Variants in KATNIP observed in about 807,000 individuals in gnomAD.
KATNIP encodes katanin-interacting protein.
In KATNIP, 126 loss-of-function variants were observed where a neutral mutation model predicts 174.0. The ratio of observed to expected loss-of-function variants is 0.72; its 90% CI spans 0.63 to 0.84. The LOEUF is 0.84. Among genes scored for constraint, KATNIP ranks in the 40% least tolerant of loss-of-function variants. The pLI is 0.00. For synonymous variants in KATNIP, 810 were observed against 835.7 expected (o/e 0.97, Z 0.53); for missense variants, 1,958 against 2,109.7 (o/e 0.93, Z 1.41).
At chr16:27,578,744 A>AT (rs1206039482) in intron 2 of KATNIP, among the ~76,000 whole-genome samples, 3 of 152,116 alleles carry the variant, frequency 2.0e-5, no homozygotes, top group African/African-American at 7.2e-5. Context: ...TGCCTGACTA[A>AT]TTTTTGTATT....
At chr16:27,664,190 A>G (rs1207491206) in intron 6 of KATNIP, among the ~76,000 whole-genome samples, 14 of 152,106 alleles carry the variant, frequency 9.2e-5, no homozygotes, top group Non-Finnish European at 1.9e-4. Flanking sequence ...TATTTTTGCT[A>G]TCGTTTTGTA....
intron 19 of KATNIP, among the ~76,000 whole-genome samples, chr16:27,766,044 A>G (rs1057013271): frequency 6.6e-6 from 1 of 152,084 alleles, no homozygotes; most frequent in African/African-American, 2.4e-5. Context: ...TTTTAAAAAA[A>G]AAACAAAAAC....
intron 5 of KATNIP, among the ~76,000 whole-genome samples, chr16:27,634,124 C>T (rs1305439159): frequency 6.6e-6 from 1 of 152,086 alleles, no homozygotes; most frequent in Non-Finnish European, 1.5e-5. Context: ...AATAGCTGGC[C>T]CTAGAGTCTG....
intron 2 of KATNIP, chr16:27,574,305 G>A: frequency 3.3e-6 from 1 of 299,546 alleles, no homozygotes; most frequent in Non-Finnish European, 6.5e-6. Context: ...GTTGGACCAG[G>A]CTCCGCATGG....
chr16:27,664,169 A>G (rs1206383777), intron 6 of KATNIP, among the ~76,000 whole-genome samples: 1 of 152,134 alleles, frequency 6.6e-6, no homozygotes, highest in Non-Finnish European at 1.5e-5. Flanking sequence ...TTTTTTGTTT[A>G]TCTAGTTTTG....
chr16:27,757,392 G>A (rs2081776212), intron 18 of KATNIP: 1 of 514,660 alleles, frequency 1.9e-6, no homozygotes, highest in South Asian at 8.4e-5. Context: ...AGCACAGGGT[G>A]GTTCTCCAGA....
At chr16:27,774,751 GAC>G (rs1409124873) in intron 23 of KATNIP, among the ~76,000 whole-genome samples, 192 bp from the exon 24 acceptor site, 10 of 152,078 alleles carry the variant, frequency 6.6e-5, no homozygotes, top group African/African-American at 2.2e-4. Context: ...CACCTCTCCA[GAC>G]ACACCTGCTC....
chr16:27,736,551 T>C (rs1035238650), intron 14 of KATNIP, among the ~76,000 whole-genome samples: 1 of 152,130 alleles, frequency 6.6e-6, no homozygotes, highest in Non-Finnish European at 1.5e-5. Flanking sequence ...TGTGGGCATC[T>C]GCGGCAGAAC....
At chr16:27,579,281 A>C (rs144643537) in intron 2 of KATNIP, among the ~76,000 whole-genome samples, 129 of 152,244 alleles carry the variant, frequency 8.5e-4, no homozygotes, top group African/African-American at 3.0e-3. Flanking sequence ...GACTCTGTGA[A>C]TTAATACCTC....
chr16:27,698,383 G>T lies in KATNIP; in HGVS notation c.996G>T (p.Glu332Asp). 6.2e-7 allele frequency: 1 copy of T among 1,613,070 alleles called. No homozygotes were observed. The highest frequency in any genetic ancestry group is 1.1e-5 in the South Asian group (1 of 90,708). The change falls in exon 9 of 28, where the codon GAG becomes GAT. Residue 332 changes from glutamate (E) to aspartate (D), a missense_variant. Transcript: ENST00000261588. ...PLSATRKTLC[E>D]AEYPEEDASA... The stretch of plus-strand genomic sequence containing the variant: ...CTGCAACCCGCAAAACTCTTTGCGA[G>T]GCTGAGTACCCAGAGGAAGATGCCT...
intron 14 of KATNIP, chr16:27,727,505 G>A (rs989756049): frequency 6.6e-6 from 1 of 152,388 alleles, no homozygotes; most frequent in African/African-American, 2.4e-5. Context: ...TGGTTGATTT[G>A]GAGAATGGAT....
chr16:27,773,037 T>C (rs2082364522), intron 22 of KATNIP, 62 bp from the exon 23 acceptor site: 2 of 902,802 alleles, frequency 2.2e-6, no homozygotes, highest in Admixed American at 5.2e-5. Context: ...ATCTTTGCCA[T>C]TGTTTTACTA....
chr16:27,572,124 C>T (rs578119157), intron 1 of KATNIP, among the ~76,000 whole-genome samples: 2 of 152,014 alleles, frequency 1.3e-5, no homozygotes, highest in South Asian at 4.2e-4. Context: ...ACTATCAACA[C>T]CCCACACTGG....
At chr16:27,572,696 G>C (rs1409059976) in intron 1 of KATNIP, among the ~76,000 whole-genome samples, 1 of 152,180 alleles carries the variant, frequency 6.6e-6, no homozygotes, top group Non-Finnish European at 1.5e-5. Flanking sequence ...AGGCCCCACT[G>C]GGTGGACAGA....
At chr16:27,721,279 C>T (rs925306648) in intron 13 of KATNIP, among the ~76,000 whole-genome samples, 2 of 152,170 alleles carry the variant, frequency 1.3e-5, no homozygotes, top group Non-Finnish European at 2.9e-5. Context: ...AAATAAAGCC[C>T]GCTGCATTTT....
chr16:27,740,832 C>T lies in KATNIP; in HGVS notation c.2535C>T (p.Pro845=). 2 of 1,613,518 alleles carry T rather than the reference C, an allele frequency of 1.2e-6. No individual in the cohort carries two copies. The highest frequency in any genetic ancestry group is 1.7e-6 in the Non-Finnish European group (2 of 1,179,722). ...SDDSDIFNQP[P]NRERPASGRR... ...ACTCAGACATCTTTAACCAGCCCCCCAACAGAGAGCGCCCTGCTAGTGGGA... is the reference window on the plus strand; with the variant it reads ...ACTCAGACATCTTTAACCAGCCCCCTAACAGAGAGCGCCCTGCTAGTGGGA... Residue 845 remains proline, a synonymous_variant, in exon 15 of 28, where the codon CCC becomes CCT. Coordinates refer to ENST00000261588, the MANE Select transcript of KATNIP (RefSeq NM_015202.5).
At chr16:27,742,850 T>C (rs1421944867) in intron 15 of KATNIP, among the ~76,000 whole-genome samples, 1 of 136,958 alleles carries the variant, frequency 7.3e-6, no homozygotes, top group Admixed American at 7.1e-5. Context: ...TTTCTTTTTT[T>C]CTTTAACTTT....
At chr16:27,670,022 A>C (rs888939074) in intron 6 of KATNIP, among the ~76,000 whole-genome samples, 1 of 152,186 alleles carries the variant, frequency 6.6e-6, no homozygotes, top group Non-Finnish European at 1.5e-5. Context: ...ATGGCATTTA[A>C]ATTTCCATTA....
At chr16:27,565,811 A>G (rs939771732) in intron 1 of KATNIP, among the ~76,000 whole-genome samples, 1 of 152,034 alleles carries the variant, frequency 6.6e-6, no homozygotes, top group Admixed American at 6.6e-5. Context: ...ACAAAAAAAA[A>G]AAACAAAGGA....
Sources: gnomAD v4.1 joint callset for allele counts (sites outside exome capture counted in the v4.1 genomes callset) on GRCh38, gnomAD v4.1.1 for gene constraint, MANE v1.5 for transcripts, NCBI Gene and HGNC (gene_info 2026-07-23, HGNC 2026-07-21) for gene names.